PNPLA1: variants seen among roughly 807,000 people sequenced by gnomAD.
PNPLA1 encodes the protein patatin like domain 1, omega-hydroxyceramide transacylase, also known as omega-hydroxyceramide transacylase.
In PNPLA1, 36 loss-of-function variants were observed where a neutral mutation model predicts 51.7. The ratio of observed to expected loss-of-function variants is 0.70; its 90% CI spans 0.53 to 0.92. The LOEUF (loss-of-function observed/expected upper bound fraction) is 0.92, where lower values mean the gene tolerates loss of function less well. Among genes scored for constraint, PNPLA1 ranks in the 40% least tolerant of loss-of-function variants. The pLI is 0.00. For synonymous variants in PNPLA1, 293 were observed against 280.1 expected (o/e 1.05, Z -0.46); for missense variants, 658 against 682.5 (o/e 0.96, Z 0.40).
intron 1 of PNPLA1, among the ~76,000 whole-genome samples, chr6:36,252,650 T>C (rs555819385): frequency 1.6e-4 from 25 of 151,612 alleles, no homozygotes; most frequent in African/African-American, 4.6e-4. Flanking sequence ...AGGACCAAAG[T>C]GTGCTGTCGG....
chr6:36,310,144 A>G (rs1234611114), intron 8 of PNPLA1, among the ~76,000 whole-genome samples: 1 of 152,226 alleles, frequency 6.6e-6, no homozygotes, highest in Non-Finnish European at 1.5e-5. Flanking sequence ...TACAAGGACA[A>G]ACATTTGTGT....
intron 1 of PNPLA1, among the ~76,000 whole-genome samples, chr6:36,273,542 G>A (rs144377959): frequency 5.9e-5 from 9 of 151,334 alleles, no homozygotes; most frequent in East Asian, 3.9e-4. Context: ...CTCCTTTTCC[G>A]GGCGCCTGCG....
intron 6 of PNPLA1, among the ~76,000 whole-genome samples, chr6:36,305,956 T>C (rs915607610): frequency 6.6e-6 from 1 of 152,092 alleles, no homozygotes; most frequent in African/African-American, 2.4e-5. Flanking sequence ...GGTTTCACCA[T>C]GTTGGCCAGA....
chr6:36,257,939 T>C (rs1029610648), intron 1 of PNPLA1, among the ~76,000 whole-genome samples: 14 of 152,234 alleles, frequency 9.2e-5, no homozygotes, highest in African/African-American at 3.4e-4. Flanking sequence ...TTGGCCGAAC[T>C]CTCAAACTGA....
At chr6:36,300,178 T>TGAGAGAGAGAGAGAGAGAGAGAGA (rs71548136) in intron 5 of PNPLA1, among the ~76,000 whole-genome samples, 5 of 98,120 alleles carry the variant, frequency 5.1e-5, no homozygotes, top group East Asian at 2.8e-4. Context: ...TGTGTGTGTG[T>TGAGAGAGAGAGAGAGAGAGAGAGA]GAGAGAGAGA....
intron 1 of PNPLA1, among the ~76,000 whole-genome samples, chr6:36,253,953 G>A (rs1769475874): frequency 6.6e-6 from 1 of 152,080 alleles, no homozygotes; most frequent in South Asian, 2.1e-4. Flanking sequence ...CCTCATCTTA[G>A]ATTCCTTACA....
intron 5 of PNPLA1, among the ~76,000 whole-genome samples, chr6:36,299,416 G>T (rs1290604039): frequency 1.4e-5 from 2 of 148,072 alleles, no homozygotes; most frequent in Admixed American, 6.8e-5. Flanking sequence ...CTCACTGCAA[G>T]CTCCACCTCC....
At position 36,294,203 on chromosome 6, in the gene PNPLA1, G is replaced by T. The variant is rs751514601; in HGVS notation, c.518G>T (p.Gly173Val). ...CTGCCCCCACAGAGGTACATCGATG[G>T]GGGCTTCACGGGCATGCAGCCCTGT... ...PTYRGVRYIDGGFTGMQPCAF... is the reference protein window; with the variant it reads ...PTYRGVRYIDVGFTGMQPCAF... Residue 173 changes from glycine to valine, a missense_variant, in exon 4 of 9, where the codon GGG becomes GTG. By Grantham distance (109) the Gly-to-Val change is moderately radical. Coordinates refer to ENST00000636260, the MANE Select transcript of PNPLA1 (RefSeq NM_001374623.1). The surrounding 1 kb of genome is among the most constrained non-coding windows in gnomAD (Gnocchi z 4.2). 1.2e-6 allele frequency: 2 copies of T among 1,614,146 alleles called. No homozygotes were observed. The highest frequency in any genetic ancestry group is 1.7e-6 in the Non-Finnish European group (2 of 1,180,018).
chr6:36,303,029 G>T (rs748751149), intron 6 of PNPLA1, among the ~76,000 whole-genome samples: 2 of 152,174 alleles, frequency 1.3e-5, no homozygotes, highest in Non-Finnish European at 2.9e-5. Context: ...ACATCCCGGA[G>T]CTTGACCATT....
intron 1 of PNPLA1, among the ~76,000 whole-genome samples, chr6:36,257,917 C>G (rs1218168572): frequency 6.6e-6 from 1 of 152,180 alleles, no homozygotes; most frequent in Non-Finnish European, 1.5e-5. Context: ...TTTGTTTTAG[C>G]TAGCCGTTAA....
chr6:36,300,203 GA>G (rs930994896), intron 5 of PNPLA1, among the ~76,000 whole-genome samples: 20 of 150,864 alleles, frequency 1.3e-4, no homozygotes, highest in African/African-American at 4.8e-4. Flanking sequence ...GAGAGAGAGA[GA>G]GAGAGAGAGA....
At chr6:36,245,541 C>T (rs1482791658) in intron 1 of PNPLA1, among the ~76,000 whole-genome samples, 1 of 152,222 alleles carries the variant, frequency 6.6e-6, no homozygotes. Flanking sequence ...CCCTTAAACT[C>T]TGTCTCAACT....
intron 1 of PNPLA1, among the ~76,000 whole-genome samples, chr6:36,252,516 CTG>C (rs1160235742): frequency 7.1e-6 from 1 of 140,712 alleles, no homozygotes; most frequent in Non-Finnish European, 1.5e-5. Context: ...AGGGGTTGGG[CTG>C]TGTGTGTACA....
intron 1 of PNPLA1, among the ~76,000 whole-genome samples, chr6:36,272,409 G>T (rs1218991937): frequency 2.6e-5 from 4 of 152,230 alleles, no homozygotes; most frequent in African/African-American, 9.6e-5. Flanking sequence ...AAATACAGAA[G>T]AAGCTTCACC....
intron 1 of PNPLA1, among the ~76,000 whole-genome samples, chr6:36,290,592 A>C (rs1237893375): frequency 1.3e-5 from 2 of 152,150 alleles, no homozygotes; most frequent in African/African-American, 4.8e-5. Flanking sequence ...TACAACCCAG[A>C]CTTCCCTGGT....
At chr6:36,300,667 A>T (rs1771014348) in intron 5 of PNPLA1, among the ~76,000 whole-genome samples, 1 of 152,160 alleles carries the variant, frequency 6.6e-6, no homozygotes. Context: ...AACATGACGT[A>T]TCCCTGCTGA....
chr6:36,310,207 G>T (rs560289616), intron 8 of PNPLA1, among the ~76,000 whole-genome samples: 2 of 152,324 alleles, frequency 1.3e-5, no homozygotes, highest in Middle Eastern at 3.4e-3. Flanking sequence ...TAGGCTGCAG[G>T]CTGGGTTAAG....
intron 5 of PNPLA1, among the ~76,000 whole-genome samples, chr6:36,298,308 G>A (rs115840929): frequency 1.3e-5 from 2 of 152,248 alleles, no homozygotes; most frequent in Admixed American, 6.5e-5. Context: ...GAACACTCAC[G>A]CATGAGTCTT....
chr6:36,290,259 A>G (rs527726079), intron 1 of PNPLA1, among the ~76,000 whole-genome samples: 3 of 152,222 alleles, frequency 2.0e-5, no homozygotes, highest in Non-Finnish European at 4.4e-5. Flanking sequence ...AAAGTTAGCA[A>G]TCCTTTCCAG....
Sources: allele counts gnomAD v4.1 joint callset (sites outside exome capture counted in the v4.1 genomes callset), GRCh38; gene constraint gnomAD v4.1.1; non-coding constraint Gnocchi (gnomAD v3.1); transcripts MANE v1.5; gene names NCBI Gene and HGNC (gene_info 2026-07-23, HGNC 2026-07-21).